Variants in NBAS observed in about 807,000 individuals in gnomAD.
NBAS encodes NBAS subunit of NRZ tethering complex.
In NBAS, 219 loss-of-function variants were observed where a neutral mutation model predicts 302.5. The ratio of observed to expected loss-of-function variants is 0.72; its 90% CI spans 0.65 to 0.81. NBAS has a LOEUF of 0.81. Among genes scored for constraint, NBAS ranks in the 30% least tolerant of loss-of-function variants. The pLI is 0.00. For synonymous variants in NBAS, 1,118 were observed against 1,021.6 expected, an observed-to-expected ratio of 1.09 and a Z score of -1.80; for missense variants, 2,932 against 2,841.6, an observed-to-expected ratio of 1.03 and a Z score of -0.72.
At chr2:15,088,013 G>A in the NBAS span, among the ~76,000 whole-genome samples, 2 of 152,224 alleles carry the variant, frequency 1.3e-5, no homozygotes, top group African/African-American at 2.4e-5. Context: ...CAAGAGAATT[G>A]AGAAGAGACG....
chr2:15,101,658 A>C, the NBAS span, among the ~76,000 whole-genome samples: 1 of 152,198 alleles, frequency 6.6e-6, no homozygotes, highest in Non-Finnish European at 1.5e-5. Context: ...CAACATAATG[A>C]TTAACCGATG....
intron 8 of NBAS, among the ~76,000 whole-genome samples, chr2:15,535,168 A>G (rs1663423284): frequency 6.6e-6 from 1 of 152,180 alleles, no homozygotes. Context: ...TCCCTGGGGA[A>G]CTGGATCCAG....
At chr2:14,909,070 C>T in the NBAS span, among the ~76,000 whole-genome samples, 18 of 152,246 alleles carry the variant, frequency 1.2e-4, 1 homozygote, top group African/African-American at 2.6e-4. Flanking sequence ...CGGTGGCTTA[C>T]GCTCGTAATC....
chr2:15,232,618 A>G, intron 46 of NBAS, 107 bp from the exon 47 acceptor site: 2 of 896,832 alleles, frequency 2.2e-6, no homozygotes, highest in Non-Finnish European at 3.6e-6. Context: ...GGCACAGTAT[A>G]CTGCCTGCCC....
At chr2:14,867,806 C>T in the NBAS span, among the ~76,000 whole-genome samples, 6 of 152,174 alleles carry the variant, frequency 3.9e-5, no homozygotes, top group Non-Finnish European at 5.9e-5. Context: ...TTGTTTTAAA[C>T]GTGCTTACCC....
At chr2:15,008,108 C>T in the NBAS span, among the ~76,000 whole-genome samples, 2 of 152,212 alleles carry the variant, frequency 1.3e-5, no homozygotes, top group African/African-American at 4.8e-5. Context: ...ACAGTTATGG[C>T]TCCAAAGTGT....
rs1436158591 is a variant in NBAS, at chr2:15,275,790, T to C, written c.5418A>G (p.Glu1806=). 1 of 1,613,836 alleles carries C rather than the reference T, an allele frequency of 6.2e-7. No homozygotes were observed. The highest frequency in any genetic ancestry group is 1.3e-5 in the African/African-American group (1 of 74,924). ...SGLNYKKLTD[E]NMSPLEALEP... ...CCAATGCTTCAAGAGGACTCATGTT[T>C]TCATCTGTCAGCTTTTTGTAATTAA... Residue 1806 remains glutamate (E), a synonymous_variant, in exon 44 of 52, where the codon GAA becomes GAG. Coordinates refer to ENST00000281513, the MANE Select transcript of NBAS (RefSeq NM_015909.4).
rs955249627 is a variant in NBAS, at chr2:15,213,421, C to T, written c.6432+5352G>A. On this transcript the variant is annotated intron_variant, in intron 48 of 51. Transcript: ENST00000281513. ...AATGTAAAAGATGAAGCAATGTTTT[C>T]TATTCTGTCAAACCCCTGATTTCTC... 3.3e-5 allele frequency among the ~76,000 whole-genome samples: 5 copies of T among 152,328 alleles called. No homozygotes were observed. The South Asian group carries it at 1.0e-3, about 32-fold the overall frequency.
chr2:15,324,828 A>T (rs542274714), intron 38 of NBAS, among the ~76,000 whole-genome samples: 1 of 152,286 alleles, frequency 6.6e-6, no homozygotes, highest in South Asian at 2.1e-4. Flanking sequence ...CTAAAGCTCC[A>T]CAAGAGAACG....
chr2:14,814,829 T>C, the NBAS span, among the ~76,000 whole-genome samples: 6 of 152,124 alleles, frequency 3.9e-5, no homozygotes, highest in Non-Finnish European at 1.5e-5. Context: ...CCCCCCAAAC[T>C]GCATGTTGAA....
chr2:15,436,696 T>C (rs1415510364), intron 21 of NBAS, among the ~76,000 whole-genome samples: 1 of 152,212 alleles, frequency 6.6e-6, no homozygotes, highest in African/African-American at 2.4e-5. Flanking sequence ...CTTCTGATGT[T>C]CCCAGACCAA....
chr2:15,410,613 A>G (rs1572804544), intron 25 of NBAS, among the ~76,000 whole-genome samples: 2 of 152,366 alleles, frequency 1.3e-5, no homozygotes, highest in Middle Eastern at 6.8e-3. Flanking sequence ...TTTCTAAGAA[A>G]TATGAGGGAA....
intron 21 of NBAS, among the ~76,000 whole-genome samples, chr2:15,438,649 A>T (rs1039962327): frequency 3.9e-5 from 6 of 152,216 alleles, no homozygotes; most frequent in African/African-American, 1.4e-4. Context: ...GCAGCATAAA[A>T]AGGGAACTCT....
At chr2:14,834,233 A>C in the NBAS span, among the ~76,000 whole-genome samples, 3 of 152,212 alleles carry the variant, frequency 2.0e-5, no homozygotes, top group East Asian at 3.9e-4. Flanking sequence ...CAGACACAGC[A>C]GACTTATTTA....
chr2:14,871,690 T>C, the NBAS span, among the ~76,000 whole-genome samples: 17 of 152,124 alleles, frequency 1.1e-4, no homozygotes, highest in African/African-American at 3.9e-4. Context: ...AGACTGTATA[T>C]AATATGTTGT....
chr2:15,253,578 C>T (rs916031407), intron 44 of NBAS, among the ~76,000 whole-genome samples: 3 of 152,184 alleles, frequency 2.0e-5, no homozygotes, highest in East Asian at 1.9e-4. Flanking sequence ...TAAAGGGAAT[C>T]TGTTTCTAAA....
the NBAS span, among the ~76,000 whole-genome samples, chr2:14,894,384 T>C: frequency 6.6e-6 from 1 of 152,212 alleles, no homozygotes; most frequent in African/African-American, 2.4e-5. Context: ...TAACAAAATA[T>C]AGAAACCTGG....
chr2:14,827,112 C>T, the NBAS span, among the ~76,000 whole-genome samples: 9 of 152,202 alleles, frequency 5.9e-5, no homozygotes, highest in Admixed American at 2.6e-4. Flanking sequence ...TATAACACAG[C>T]ATGATGTACA....
At chr2:15,120,672 T>C in the NBAS span, among the ~76,000 whole-genome samples, 2 of 152,190 alleles carry the variant, frequency 1.3e-5, no homozygotes, top group African/African-American at 4.8e-5. Context: ...ATTCTGCCCA[T>C]CAATGCGCCA....
Sources: allele counts gnomAD v4.1 joint callset (sites outside exome capture counted in the v4.1 genomes callset), GRCh38; gene constraint gnomAD v4.1.1; transcripts MANE v1.5; gene names NCBI Gene and HGNC (gene_info 2026-07-23, HGNC 2026-07-21).